ARHGAP21: variants seen among roughly 807,000 people sequenced by gnomAD.
ARHGAP21 encodes the protein Rho GTPase activating protein 21.
Under a neutral mutation model 164.6 loss-of-function variants are expected in ARHGAP21, and 38 were observed. The ratio of observed to expected loss-of-function variants is 0.23; its 90% CI spans 0.18 to 0.30. ARHGAP21 has a LOEUF of 0.30. Ranked by LOEUF, ARHGAP21 falls within the 10% of genes least tolerant of loss-of-function variation. ARHGAP21 has a pLI of 1.00. For missense variants in ARHGAP21, 1,822 were observed against 2,370.7 expected (o/e 0.77, Z 4.81); for synonymous variants, 766 against 857.9 (o/e 0.89, Z 1.87).
intron 4 of ARHGAP21, among the ~76,000 whole-genome samples, chr10:24,645,870 T>A (rs1446074265): frequency 6.6e-6 from 1 of 152,024 alleles, no homozygotes; most frequent in Admixed American, 6.6e-5. Flanking sequence ...TGGAGAACAA[T>A]AAGCAGAGTG....
At chr10:24,676,070 C>A in intron 2 of ARHGAP21, among the ~76,000 whole-genome samples, 1 of 152,172 alleles carries the variant, frequency 6.6e-6, no homozygotes. Context: ...AGCACTAGAA[C>A]CTGGCAGGCG....
At chr10:24,639,760 T>C (rs1358918668) in intron 4 of ARHGAP21, among the ~76,000 whole-genome samples, 2 of 152,144 alleles carry the variant, frequency 1.3e-5, no homozygotes, top group Non-Finnish European at 2.9e-5. Context: ...AAAACCAAAG[T>C]GCTACATCTA....
At position 24,591,653 on chromosome 10, in the gene ARHGAP21, C is replaced by T; in HGVS notation, c.4033G>A (p.Glu1345Lys). The T allele has an allele frequency of 1.2e-6, 2 of 1,614,102 alleles. No homozygotes were observed. Among genetic ancestry groups the T allele is most frequent in the South Asian group, 1.1e-5 (1 of 91,074 alleles). ...HDWFFTEEGA[E>K]EPLTTVQEES... ...CAGACAATACTTACAAGAGGCTCTTCAGCACCTTCTTCTGTGAAAAACCAG... is the reference window on the plus strand; with the variant it reads ...CAGACAATACTTACAAGAGGCTCTTTAGCACCTTCTTCTGTGAAAAACCAG... The change falls in exon 23 of 26, where the codon GAA becomes AAA. Residue 1345 changes from glutamate to lysine, a missense_variant. Coordinates refer to ENST00000396432, the MANE Select transcript of ARHGAP21 (RefSeq NM_020824.4).
At chr10:24,597,717 A>G (rs2076645151) in intron 15 of ARHGAP21, 134 bp from the exon 16 acceptor site, 3 of 1,351,344 alleles carry the variant, frequency 2.2e-6, no homozygotes, top group East Asian at 2.4e-5. Context: ...TAAGCTTTCA[A>G]TTTTGTAGTC....
chr10:24,618,987 A>C (rs920211399), intron 9 of ARHGAP21, among the ~76,000 whole-genome samples: 1 of 152,164 alleles, frequency 6.6e-6, no homozygotes, highest in African/African-American at 2.4e-5. Flanking sequence ...ACTTCTCTAA[A>C]TCTGTTCCAG....
In ARHGAP21 at chr10:24,720,939, C is replaced by G. The variant is rs569833604; in HGVS notation, c.63+898G>C. On this transcript the variant is annotated intron_variant, in intron 2 of 25. Transcript: ENST00000396432. ...AATTACAGGAACCGCCAATGATAAA[C>G]ATAGTATATTCATAATAGAAGTAAA... Among the ~76,000 whole-genome samples, 36 of 150,578 alleles carry G rather than the reference C, an allele frequency of 2.4e-4. 1 individual carries two copies. The South Asian group carries it at 7.3e-3, about 31-fold the overall frequency.
chr10:24,712,069 T>G (rs1027246880), intron 2 of ARHGAP21, among the ~76,000 whole-genome samples: 5 of 152,182 alleles, frequency 3.3e-5, no homozygotes, highest in African/African-American at 1.2e-4. Context: ...CATGCACCAC[T>G]ACACCCAGCT....
At chr10:24,702,157 G>A (rs1226270417) in intron 2 of ARHGAP21, among the ~76,000 whole-genome samples, 2 of 143,256 alleles carry the variant, frequency 1.4e-5, no homozygotes, top group Non-Finnish European at 3.0e-5. Flanking sequence ...TTGAGACGGA[G>A]TCTTGCTCTG....
intron 25 of ARHGAP21, among the ~76,000 whole-genome samples, chr10:24,588,782 GGCAA>G (rs2076211793): frequency 2.0e-5 from 3 of 152,156 alleles, no homozygotes; most frequent in Non-Finnish European, 2.9e-5. Context: ...TCACTGAAAA[GGCAA>G]GACTATACTG....
At chr10:24,588,143 G>T (rs1564950824) in intron 25 of ARHGAP21, among the ~76,000 whole-genome samples, 2 of 152,082 alleles carry the variant, frequency 1.3e-5, no homozygotes, top group Non-Finnish European at 2.9e-5. Flanking sequence ...AATATTACTG[G>T]GACAATCTGT....
intron 4 of ARHGAP21, 37 bp downstream of exon 4, chr10:24,666,945 GAAA>G (rs755891913): frequency 7.2e-7 from 1 of 1,395,096 alleles, no homozygotes; most frequent in Admixed American, 2.3e-5. Flanking sequence ...GAAATGGGTA[GAAA>G]AACATTCAGA....
intron 2 of ARHGAP21, among the ~76,000 whole-genome samples, chr10:24,680,657 T>C (rs1841679240): frequency 6.6e-6 from 1 of 152,090 alleles, no homozygotes; most frequent in Non-Finnish European, 1.5e-5. Context: ...GAGGGTTACA[T>C]TTCTATGGGC....
At chr10:24,671,794 T>C (rs1840725996) in intron 2 of ARHGAP21, among the ~76,000 whole-genome samples, 1 of 151,172 alleles carries the variant, frequency 6.6e-6, no homozygotes, top group Admixed American at 6.6e-5. Context: ...ATGATCATAG[T>C]TCACTGCAGA....
At chr10:24,618,464 T>G (rs1164904292) in intron 9 of ARHGAP21, among the ~76,000 whole-genome samples, 2 of 152,220 alleles carry the variant, frequency 1.3e-5, no homozygotes, top group Non-Finnish European at 2.9e-5. Context: ...TGTCCGTTTC[T>G]GTGTCTGTGC....
chr10:24,706,369 T>C (rs1216792496), intron 2 of ARHGAP21: 1 of 152,014 alleles, frequency 6.6e-6, no homozygotes, highest in African/African-American at 2.4e-5. Flanking sequence ...ACAGGTATTT[T>C]GACAAAAAAA....
rs905581787 is a variant in ARHGAP21 at position 24,664,554 on chromosome 10, C to CA, written c.268+2430dup. On this transcript the variant is annotated intron_variant, in intron 4 of 25. Transcript: ENST00000396432. Reference sequence around the variant, plus strand: ...CTGTCAACAGAGTGAGATTCCGTCTCAAAAAAAAAAAATAATAATAATAAT... The same window carrying CA: ...CTGTCAACAGAGTGAGATTCCGTCTCAAAAAAAAAAAAATAATAATAATAAT... Among the ~76,000 whole-genome samples, 656 of 136,298 alleles carry CA rather than the reference C, an allele frequency of 4.8e-3. 8 individuals carry two copies. Among genetic ancestry groups the CA allele is most frequent in the East Asian group, 0.036 (176 of 4,824 alleles). 89.4% of individuals were successfully genotyped at this position (136,298 alleles called of 152,430 possible).
chr10:24,723,248 A>G (rs1481083693), intron 1 of ARHGAP21: 1 of 150,762 alleles, frequency 6.6e-6, no homozygotes, highest in Admixed American at 6.6e-5. Context: ...GGGACGCGCT[A>G]GGCCGCAGGC....
chr10:24,606,753 A>G (rs1391242020), intron 11 of ARHGAP21, among the ~76,000 whole-genome samples: 1 of 152,186 alleles, frequency 6.6e-6, no homozygotes, highest in Non-Finnish European at 1.5e-5. Context: ...ACGCAGGAGA[A>G]TCGCTTGAAC....
intron 25 of ARHGAP21, 54 bp from the exon 26 acceptor site, chr10:24,586,160 T>C (rs935785606): frequency 3.3e-6 from 5 of 1,495,204 alleles, no homozygotes; most frequent in South Asian, 1.4e-5. Context: ...GCTGAGTTCA[T>C]TTTCTGACAA....
Sources: allele counts gnomAD v4.1 joint callset (sites outside exome capture counted in the v4.1 genomes callset), GRCh38; gene constraint gnomAD v4.1.1; transcripts MANE v1.5; gene names NCBI Gene and HGNC (gene_info 2026-07-23, HGNC 2026-07-21).